HSD17B2: variants seen among roughly 807,000 people sequenced by gnomAD.
The protein encoded by HSD17B2 is hydroxysteroid 17-beta dehydrogenase 2.
HSD17B2 carries 32 observed loss-of-function variants against 26.9 expected under a neutral mutation model. The ratio of observed to expected loss-of-function variants is 1.19; its 90% CI spans 0.90 to 1.60. HSD17B2 has a LOEUF of 1.60. HSD17B2 is among the 40% of genes most tolerant of loss of function. The probability of loss-of-function intolerance (pLI) is 0.00; values close to 1 mark genes in which losing one functional copy is unlikely to be tolerated. For missense variants in HSD17B2, 613 were observed against 468.6 expected (o/e 1.31, Z -2.85); for synonymous variants, 246 against 186.7 (o/e 1.32, Z -2.59).
intron 3 of HSD17B2, among the ~76,000 whole-genome samples, chr16:82,081,616 T>C (rs1349175206): frequency 6.6e-6 from 1 of 152,154 alleles, no homozygotes; most frequent in Non-Finnish European, 1.5e-5. Context: ...TATGACCACA[T>C]AGGAGCGTTC....
At chr16:82,037,945 T>C (rs1913663711) in intron 1 of HSD17B2, among the ~76,000 whole-genome samples, 1 of 152,244 alleles carries the variant, frequency 6.6e-6, no homozygotes, top group Non-Finnish European at 1.5e-5. Flanking sequence ...GGAAATAGTT[T>C]ATAAAGGAAA....
At position 82,098,161 on chromosome 16, in the gene HSD17B2, C is replaced by G; in HGVS notation, c.889C>G (p.Gln297Glu). 1 of 1,614,068 alleles carries G rather than the reference C, an allele frequency of 6.2e-7. No homozygotes were observed. Among genetic ancestry groups the G allele is most frequent in the South Asian group, 1.1e-5 (1 of 91,070 alleles). Reference protein sequence around the residue: ...LPAEVQEDYGQDYILAQRNFL... With the variant: ...LPAEVQEDYGEDYILAQRNFL... ...CGCTGAGGTACAGGAAGACTACGGCCAGGACTACATCTTAGCACAGCGGAA... is the reference window on the plus strand; with the variant it reads ...CGCTGAGGTACAGGAAGACTACGGCGAGGACTACATCTTAGCACAGCGGAA... Residue 297 changes from glutamine (Q) to glutamate (E), a missense_variant, in exon 5 of 5, where the codon CAG becomes GAG. Physicochemically the swap from Gln to Glu is conservative, Grantham distance 29 (BLOSUM62 2). Transcript: ENST00000199936.
chr16:82,036,762 T>C (rs1379507127), intron 1 of HSD17B2, among the ~76,000 whole-genome samples: 1 of 152,068 alleles, frequency 6.6e-6, no homozygotes, highest in African/African-American at 2.4e-5. Flanking sequence ...AGGGAGAAAA[T>C]TCAGTCAATG....
At chr16:82,093,899 C>G (rs938026692) in intron 4 of HSD17B2, 4 of 152,136 alleles carry the variant, frequency 2.6e-5, no homozygotes, top group African/African-American at 9.7e-5. Flanking sequence ...GGGTTCCTCC[C>G]CCTTTTAGAC....
At position 82,068,157 on chromosome 16, in the gene HSD17B2, T is replaced by G; in HGVS notation, c.266-13T>G. The G allele has an allele frequency of 6.2e-7, 1 of 1,612,974 alleles. No individual in the cohort carries two copies. On this transcript the variant is annotated splice_polypyrimidine_tract_variant and intron_variant, in intron 1 of 4. Coordinates refer to ENST00000199936, the MANE Select transcript of HSD17B2 (RefSeq NM_002153.3). ...GGTTTGACCTCACTCCCTACTCCCCTGACCCTATGCAGGTGGTGATTGCGG... is the reference window on the plus strand; with the variant it reads ...GGTTTGACCTCACTCCCTACTCCCCGGACCCTATGCAGGTGGTGATTGCGG...
At chr16:82,062,245 C>T (rs1184355545) in intron 1 of HSD17B2, among the ~76,000 whole-genome samples, 1 of 152,200 alleles carries the variant, frequency 6.6e-6, no homozygotes, top group Non-Finnish European at 1.5e-5. Flanking sequence ...ACAAATGGGT[C>T]TGTAGTAGTC....
intron 2 of HSD17B2, among the ~76,000 whole-genome samples, chr16:82,068,646 T>A (rs923135565): frequency 6.6e-6 from 1 of 152,220 alleles, no homozygotes; most frequent in Admixed American, 6.5e-5. Context: ...CATGAATAAT[T>A]CCTCCAGCCC....
At chr16:82,098,038 T>A in intron 4 of HSD17B2, 37 bp from the exon 5 acceptor site, 1 of 1,576,980 alleles carries the variant, frequency 6.3e-7, no homozygotes, top group Non-Finnish European at 8.6e-7. Flanking sequence ...TCCTTGGCCT[T>A]CCCAGGATCT....
intron 1 of HSD17B2, among the ~76,000 whole-genome samples, chr16:82,067,516 G>C (rs1345289821): frequency 6.6e-6 from 1 of 152,172 alleles, no homozygotes; most frequent in Non-Finnish European, 1.5e-5. Context: ...TATTACATTA[G>C]TCTCTGTTTT....
chr16:82,070,802 C>G, intron 2 of HSD17B2, 140 bp from the exon 3 acceptor site: 1 of 718,786 alleles, frequency 1.4e-6, no homozygotes, highest in Non-Finnish European at 2.3e-6. Context: ...AAGGCTCTTG[C>G]CTTTGTCCAG....
chr16:82,090,993 G>T lies in HSD17B2; in HGVS notation c.756G>T (p.Lys252Asn). The part of the protein sequence containing the change: ...FSSVMRLELS[K>N]WGIKVASIQP... Reference sequence around the variant, plus strand: ...CAGTTATGAGACTGGAGCTTTCCAAGTGGGGAATTAAAGTTGCTTCCATCC... The same window carrying T: ...CAGTTATGAGACTGGAGCTTTCCAATTGGGGAATTAAAGTTGCTTCCATCC... Residue 252 changes from lysine (K) to asparagine (N), a missense_variant, in exon 4 of 5, where the codon AAG becomes AAT. Transcript: ENST00000199936. 1 of 1,614,086 alleles carries T rather than the reference G, an allele frequency of 6.2e-7. No individual in the cohort carries two copies.
chr16:82,035,458 T>G lies in HSD17B2; in HGVS notation c.34T>G (p.Cys12Gly), dbSNP rs767537527. The change falls in exon 1 of 5, where the codon TGC becomes GGC. Residue 12 changes from cysteine (C) to glycine (G), a missense_variant. Coordinates refer to ENST00000199936, the MANE Select transcript of HSD17B2 (RefSeq NM_002153.3). ...TTTCTTCTCGGACACAGCATGGATC[T>G]GCCTGGCTGTCCCCACAGTACTATG... is the stretch of plus-strand genomic sequence containing the variant. ...STFFSDTAWI[C>G]LAVPTVLCGT... 5.6e-6 allele frequency: 9 copies of G among 1,613,526 alleles called. No individual in the cohort carries two copies. The highest frequency in any genetic ancestry group is 6.8e-6 in the Non-Finnish European group (8 of 1,179,824).
chr16:82,056,690 T>C (rs1024916247), intron 1 of HSD17B2, among the ~76,000 whole-genome samples: 1 of 152,212 alleles, frequency 6.6e-6, no homozygotes, highest in African/African-American at 2.4e-5. Flanking sequence ...ACCTCAAAAA[T>C]GCTATTGCCT....
At chr16:82,076,877 A>G (rs1904305329) in intron 3 of HSD17B2, among the ~76,000 whole-genome samples, 2 of 152,202 alleles carry the variant, frequency 1.3e-5, no homozygotes, top group Admixed American at 1.3e-4. Context: ...CCAATAGCAA[A>G]CAATCAGAAA....
At chr16:82,054,484 A>T (rs2143945844) in intron 1 of HSD17B2, among the ~76,000 whole-genome samples, 1 of 152,224 alleles carries the variant, frequency 6.6e-6, no homozygotes, top group South Asian at 2.1e-4. Context: ...AGCTGGGACT[A>T]CAGGTGTGTG....
intron 3 of HSD17B2, among the ~76,000 whole-genome samples, chr16:82,087,212 T>C (rs1904552869): frequency 1.3e-5 from 2 of 152,220 alleles, no homozygotes; most frequent in African/African-American, 2.4e-5. Flanking sequence ...AGATCTGCTA[T>C]ACAACATTGT....
In HSD17B2 at chr16:82,071,079, C is replaced by G. The variant is rs759567766; in HGVS notation, c.616C>G (p.Leu206Val). 105 of 1,614,036 alleles carry G rather than the reference C, an allele frequency of 6.5e-5. No homozygotes were observed. Among genetic ancestry groups the G allele is most frequent in the Non-Finnish European group, 8.6e-5 (101 of 1,180,018 alleles). ...GGAGGTCACAAAGACGTTTTTGCCTCTTCTTAGAAAATCCAAAGGGAGGCT... is the reference window on the plus strand; with the variant it reads ...GGAGGTCACAAAGACGTTTTTGCCTGTTCTTAGAAAATCCAAAGGGAGGCT... ...TVEVTKTFLP[L>V]LRKSKGRLVN... The change falls in exon 3 of 5, where the codon CTT becomes GTT. Residue 206 changes from leucine to valine, a missense_variant. Physicochemically the swap from Leu to Val is conservative, Grantham distance 32 (BLOSUM62 1). Transcript: ENST00000199936.
intron 1 of HSD17B2, among the ~76,000 whole-genome samples, chr16:82,040,865 A>C (rs1319177903): frequency 1.3e-5 from 2 of 152,234 alleles, no homozygotes; most frequent in Non-Finnish European, 2.9e-5. Flanking sequence ...ACTTGGTTAG[A>C]TTTGTAGATA....
At chr16:82,065,934 C>A (rs554250037) in intron 1 of HSD17B2, among the ~76,000 whole-genome samples, 104 of 152,328 alleles carry the variant, frequency 6.8e-4, no homozygotes, top group Non-Finnish European at 5.0e-4. Context: ...TTGACCACTA[C>A]TGGTATTTAG....
Sources: gnomAD v4.1 joint callset for allele counts (sites outside exome capture counted in the v4.1 genomes callset) on GRCh38, gnomAD v4.1.1 for gene constraint, MANE v1.5 for transcripts, NCBI Gene and HGNC (gene_info 2026-07-23, HGNC 2026-07-21) for gene names.